Variants in MYOM1 observed in about 807,000 individuals in gnomAD.
MYOM1 encodes the protein myomesin-1.
MYOM1 carries 164 observed loss-of-function variants against 205.3 expected under a neutral mutation model. The ratio of observed to expected loss-of-function variants is 0.80; its 90% CI spans 0.70 to 0.91. MYOM1 has a LOEUF of 0.91. Among genes scored for constraint, MYOM1 ranks in the 40% least tolerant of loss-of-function variants. MYOM1 has a pLI of 0.00. For missense variants in MYOM1, 2,011 were observed against 2,127.3 expected (o/e 0.95, Z 1.08); for synonymous variants, 772 against 789.4 (o/e 0.98, Z 0.37).
chr18:3,186,766 AAAGG>A (rs149847273), intron 5 of MYOM1, among the ~76,000 whole-genome samples: 7,790 of 146,502 alleles, frequency 0.053, 238 homozygotes, highest in South Asian at 0.067. Context: ...GGAAGGAAGG[AAAGG>A]AAGGAAGGAA....
chr18:3,149,267 G>T, intron 12 of MYOM1, 66 bp from the exon 13 acceptor site: 1 of 1,364,458 alleles, frequency 7.3e-7, no homozygotes, highest in Non-Finnish European at 1.0e-6. Context: ...CTGCACTGAT[G>T]AATTGGGAAA....
chr18:3,140,276 TCAC>T (rs1567929323), intron 14 of MYOM1, among the ~76,000 whole-genome samples: 1 of 151,918 alleles, frequency 6.6e-6, no homozygotes, highest in Non-Finnish European at 1.5e-5. Context: ...GCGTGGTGGC[TCAC>T]GCCTGTAATC....
intron 34 of MYOM1, 32 bp downstream of exon 34, chr18:3,079,147 A>G (rs1156772961): frequency 1.2e-6 from 2 of 1,608,254 alleles, no homozygotes; most frequent in South Asian, 2.2e-5. Context: ...ATTCATCTAG[A>G]GTAAATTTGA....
At chr18:3,101,880 C>T (rs943325288) in intron 23 of MYOM1, among the ~76,000 whole-genome samples, 7 of 151,454 alleles carry the variant, frequency 4.6e-5, no homozygotes, top group South Asian at 2.1e-4. Context: ...GAGTCAGGGA[C>T]TCACTATGTT....
chr18:3,207,036 G>T (rs891372924), intron 2 of MYOM1, among the ~76,000 whole-genome samples: 1 of 150,474 alleles, frequency 6.6e-6, no homozygotes, highest in African/African-American at 2.5e-5. Context: ...GAATATAACC[G>T]CAATTTTTTC....
At chr18:3,245,578 TTCCACATTGGTTG>T in the MYOM1 span, among the ~76,000 whole-genome samples, 1 of 149,836 alleles carries the variant, frequency 6.7e-6, no homozygotes, top group Non-Finnish European at 1.5e-5. Context: ...GATGCTATTT[TTCCACATTGGTTG>T]ACTAACCGTT....
intron 1 of MYOM1, among the ~76,000 whole-genome samples, chr18:3,217,536 A>G (rs2081284402): frequency 6.6e-6 from 1 of 152,352 alleles, no homozygotes; most frequent in South Asian, 2.1e-4. Context: ...AGCTGGATAC[A>G]TGACTCTGGA....
At chr18:3,162,544 C>T (rs796669071) in intron 10 of MYOM1, among the ~76,000 whole-genome samples, 12 of 152,206 alleles carry the variant, frequency 7.9e-5, no homozygotes, top group African/African-American at 2.9e-4. Context: ...GTTCTAGGAC[C>T]TGTGAGTATT....
rs557671408 is a variant in MYOM1, at chr18:3,119,949, G to A, written c.3038C>T (p.Ala1013Val). 1,882 of 1,610,118 alleles carry A rather than the reference G, an allele frequency of 1.2e-3. 38 individuals carry two copies. In the South Asian group the frequency reaches 0.02, roughly 17 times the overall value. Residue 1013 changes from alanine (A) to valine (V), a missense_variant, in exon 20 of 38, where the codon GCC becomes GTC. Transcript: ENST00000356443. ...CGCGCCCAGCCCAGCCATGTTCATG[G>A]CTGCCACTTGGAACTGATACACCAT... ...ENMVYQFQVA[A>V]MNMAGLGAPS... is the part of the protein sequence containing the mutation.
At chr18:3,114,823 T>C (rs754860894) in intron 21 of MYOM1, among the ~76,000 whole-genome samples, 1 of 152,208 alleles carries the variant, frequency 6.6e-6, no homozygotes, top group Non-Finnish European at 1.5e-5. Flanking sequence ...GAAGTTCACT[T>C]CCAGGTTTGT....
chr18:3,096,018 G>A lies in MYOM1; in HGVS notation c.3728-1712C>T, dbSNP rs183228663. On this transcript the variant is annotated intron_variant, in intron 25 of 37. Coordinates refer to ENST00000356443, the MANE Select transcript of MYOM1 (RefSeq NM_003803.4). ...GGCCCAGAGTGATGAGGGAGGAGGA[G>A]GAACAGGCCCTCCTGGAAGTCTCCA... is the stretch of plus-strand genomic sequence containing the variant. 6.9e-4 allele frequency among the ~76,000 whole-genome samples: 105 copies of A among 152,304 alleles called. 2 individuals carry two copies. The highest frequency in any genetic ancestry group is 6.9e-3 in the Admixed American group (105 of 15,304).
At chr18:3,186,784 GAGAGAGAAAGAAAGAAAGAGAAAGAA>G (rs1462446165) in intron 5 of MYOM1, among the ~76,000 whole-genome samples, 3 of 120,580 alleles carry the variant, frequency 2.5e-5, no homozygotes, top group African/African-American at 1.1e-4. Context: ...GAAGGAAGGA[GAGAGAGAAAGAAAGAAAGAGAAAGAA>G]AGAAAGAAAG....
chr18:3,102,704 T>C, intron 22 of MYOM1, 74 bp from the exon 23 acceptor site: 3 of 1,507,286 alleles, frequency 2.0e-6, no homozygotes, highest in Non-Finnish European at 2.7e-6. Context: ...ACCTTGAGAT[T>C]CTTTACTTTA....
chr18:3,105,450 T>C (rs995249960), intron 22 of MYOM1, among the ~76,000 whole-genome samples: 9 of 152,226 alleles, frequency 5.9e-5, no homozygotes, highest in African/African-American at 1.7e-4. Flanking sequence ...AAAGTATTAA[T>C]GCTTTAGCGG....
At chr18:3,070,107 T>C (rs2078942351) in intron 37 of MYOM1, among the ~76,000 whole-genome samples, 1 of 152,228 alleles carries the variant, frequency 6.6e-6, no homozygotes, top group South Asian at 2.1e-4. Flanking sequence ...TACAAATATC[T>C]CTACCCCTAG....
chr18:3,156,976 G>C (rs1452471744), intron 10 of MYOM1, among the ~76,000 whole-genome samples: 2 of 152,192 alleles, frequency 1.3e-5, no homozygotes, highest in African/African-American at 2.4e-5. Context: ...GATGGCAAAG[G>C]CAGAGCAGAG....
intron 37 of MYOM1, among the ~76,000 whole-genome samples, chr18:3,068,912 A>G (rs537428662): frequency 1.7e-3 from 264 of 152,156 alleles, no homozygotes; most frequent in African/African-American, 6.2e-3. Context: ...TGATAAATGC[A>G]TGTTTCATTT....
intron 34 of MYOM1, among the ~76,000 whole-genome samples, chr18:3,077,456 G>C (rs951485080): frequency 3.9e-5 from 6 of 152,128 alleles, no homozygotes; most frequent in African/African-American, 1.2e-4. Context: ...TAAGTATAAA[G>C]CTAGGCTTAC....
chr18:3,194,776 C>T (rs373682528), intron 2 of MYOM1, among the ~76,000 whole-genome samples: 22 of 151,990 alleles, frequency 1.4e-4, no homozygotes, highest in African/African-American at 4.1e-4. Flanking sequence ...TTCATGAACT[C>T]CCTGAAGTCA....
Sources: gnomAD v4.1 joint callset for allele counts (sites outside exome capture counted in the v4.1 genomes callset) on GRCh38, gnomAD v4.1.1 for gene constraint, MANE v1.5 for transcripts, NCBI Gene and HGNC (gene_info 2026-07-23, HGNC 2026-07-21) for gene names.